The following TIGD3 variants were observed in gnomAD, a reference collection of about 807,000 sequenced individuals.
The protein encoded by TIGD3 is tigger transposable element-derived protein 3.
In TIGD3, 7 loss-of-function variants were observed where a neutral mutation model predicts 14.8. The ratio of observed to expected loss-of-function variants is 0.47; its 90% CI spans 0.27 to 0.89. TIGD3 has a LOEUF of 0.89. Among genes scored for constraint, TIGD3 ranks in the 40% least tolerant of loss-of-function variants. The pLI is 0.13. For missense variants in TIGD3, 581 were observed against 611.0 expected, an observed-to-expected ratio of 0.95 and a Z score of 0.52; for synonymous variants, 243 against 269.4, an observed-to-expected ratio of 0.90 and a Z score of 0.96.
In TIGD3 at chr11:65,356,881, G is replaced by A. The variant is rs1367046945; in HGVS notation, c.1073G>A (p.Ser358Asn). 6.2e-7 allele frequency: 1 copy of A among 1,613,656 alleles called. No homozygotes were observed. The highest frequency in any genetic ancestry group is 1.3e-5 in the African/African-American group (1 of 74,958). The stretch of plus-strand genomic sequence containing the variant: ...AAGGTGCCTCCTCAGCTCATTTTCA[G>A]CAGCTTCATTCAAGAAGGGCTGGCT... ...WAKVPPQLIFSSFIQEGLAPG... is the reference protein window; with the variant it reads ...WAKVPPQLIFNSFIQEGLAPG... Residue 358 changes from serine to asparagine, a missense_variant, in exon 2 of 2, where the codon AGC becomes AAC. Transcript: ENST00000309880. The surrounding 1 kb of genome is among the most constrained non-coding windows in gnomAD (Gnocchi z 5.2).
Position 65,356,612 on chromosome 11 carries a change from A to G in TIGD3, c.804A>G (p.Arg268=), listed in dbSNP as rs1473201898. The G allele has an allele frequency of 6.2e-7, 1 of 1,611,686 alleles. No homozygotes were observed. Among genetic ancestry groups the G allele is most frequent in the Non-Finnish European group, 8.5e-7 (1 of 1,179,952 alleles). The change falls in exon 2 of 2, where the codon CGA becomes CGG. Residue 268 remains arginine (R), a synonymous_variant. Coordinates refer to ENST00000309880, the MANE Select transcript of TIGD3 (RefSeq NM_145719.3). The surrounding 1 kb of genome is among the most constrained non-coding windows in gnomAD (Gnocchi z 5.2). The part of the protein sequence containing the change: ...GRQVALLLAA[R]VVEELAGLPG... Reference sequence around the variant, plus strand: ...AGGTGGCTTTGCTGCTGGCTGCCCGAGTGGTGGAGGAGCTGGCAGGCCTGC... The same window carrying G: ...AGGTGGCTTTGCTGCTGGCTGCCCGGGTGGTGGAGGAGCTGGCAGGCCTGC...
chr11:65,357,024 G>A lies in TIGD3; in HGVS notation c.1216G>A (p.Gly406Arg). The A allele has an allele frequency of 1.2e-6, 2 of 1,614,150 alleles. No individual in the cohort carries two copies. Among genetic ancestry groups the A allele is most frequent in the Non-Finnish European group, 1.7e-6 (2 of 1,180,008 alleles). The change falls in exon 2 of 2, where the codon GGA (glycine) becomes AGA (arginine). Residue 406 changes from glycine (G) to arginine (R), a missense_variant. Transcript: ENST00000309880. The part of the protein sequence containing the change: ...VDLEGEEPRS[G>R]VCKEEIGTED... Reference sequence around the variant, plus strand: ...CCTGGAGGGTGAGGAGCCAAGGTCTGGAGTATGTAAGGAGGAGATAGGCAC... The same window carrying A: ...CCTGGAGGGTGAGGAGCCAAGGTCTAGAGTATGTAAGGAGGAGATAGGCAC...
Position 65,355,855 on chromosome 11 carries a change from A to G in TIGD3, c.47A>G (p.Glu16Gly). ...AAGCTTCACGCCCTGTCCCTGGCCG[A>G]GAAGATCCAGGTGCTGGAACTCCTG... is the stretch of plus-strand genomic sequence containing the variant. ...KKKLHALSLA[E>G]KIQVLELLDE... Residue 16 changes from glutamate (E) to glycine (G), a missense_variant, in exon 2 of 2, where the codon GAG becomes GGG. By Grantham distance (98) the Glu-to-Gly change is moderately conservative. Coordinates refer to ENST00000309880, the MANE Select transcript of TIGD3 (RefSeq NM_145719.3). 6.2e-7 allele frequency: 1 copy of G among 1,613,804 alleles called. No homozygotes were observed. Among genetic ancestry groups the G allele is most frequent in the African/African-American group, 1.3e-5 (1 of 75,042 alleles).
rs1439682070 is a variant in TIGD3, at chr11:65,354,966, G to A, written c.-17+9G>A. The A allele has an allele frequency of 1.3e-5, 2 of 151,960 alleles. No homozygotes were observed. The highest frequency in any genetic ancestry group is 2.4e-5 in the African/African-American group (1 of 41,460). 9.4% of individuals were successfully genotyped at this position (151,960 alleles called of 1,614,324 possible). On this transcript the variant is annotated intron_variant, in intron 1 of 1. Coordinates refer to ENST00000309880, the MANE Select transcript of TIGD3 (RefSeq NM_145719.3). The stretch of plus-strand genomic sequence containing the variant: ...CGGGACCAGCGCCTGAGGTGGGTGC[G>A]GAGCGGGAGGCCGGGCGGGCGGGCG...
chr11:65,356,709 G>A lies in TIGD3; in HGVS notation c.901G>A (p.Val301Ile). 1 of 1,613,336 alleles carries A rather than the reference G, an allele frequency of 6.2e-7. No individual in the cohort carries two copies. The highest frequency in any genetic ancestry group is 1.7e-5 in the Admixed American group (1 of 60,032). ...CACGCCTCCCCTGCCCAGCTCAGTG[G>A]TCCGGGCCTTTAAGGCCCATTACCG... ...STTPPLPSSV[V>I]RAFKAHYRHR... Residue 301 changes from valine to isoleucine, a missense_variant, in exon 2 of 2, where the codon GTC becomes ATC. Physicochemically the swap from Val to Ile is conservative, Grantham distance 29. Transcript: ENST00000309880. The surrounding 1 kb of genome is among the most constrained non-coding windows in gnomAD (Gnocchi z 5.2).
In TIGD3 at chr11:65,356,262, C is replaced by G. The variant is rs147453408; in HGVS notation, c.454C>G (p.Pro152Ala). Residue 152 changes from proline (P) to alanine (A), a missense_variant, in exon 2 of 2, where the codon CCG becomes GCG. By Grantham distance (27) the Pro-to-Ala change is conservative. Transcript: ENST00000309880. This position sits in a 1 kb window ranked among gnomAD's most constrained non-coding sequence, Gnocchi z 5.2. ...APSFPPEPPP[P>A]GLTSQAQLPL... ...TTCATTCCCCCCTGAGCCACCTCCCCCGGGGCTCACATCCCAGGCTCAGCT... is the reference window on the plus strand; with the variant it reads ...TTCATTCCCCCCTGAGCCACCTCCCGCGGGGCTCACATCCCAGGCTCAGCT... 2.6e-4 allele frequency: 423 copies of G among 1,613,052 alleles called. 1 individual carries two copies. The Middle Eastern group carries it at 3.5e-3, about 13-fold the overall frequency.
In TIGD3 at chr11:65,356,734, G is replaced by A. The variant is rs1434878304; in HGVS notation, c.926G>A (p.Arg309Gln). 1 of 1,613,160 alleles carries A rather than the reference G, an allele frequency of 6.2e-7. No individual in the cohort carries two copies. The highest frequency in any genetic ancestry group is 1.1e-5 in the South Asian group (1 of 91,084). ...GTCCGGGCCTTTAAGGCCCATTACCGACACCGGCTGTTGGGCAAACTGGCT... is the reference window on the plus strand; with the variant it reads ...GTCCGGGCCTTTAAGGCCCATTACCAACACCGGCTGTTGGGCAAACTGGCT... ...SVVRAFKAHYRHRLLGKLAAI... is the reference protein window; with the variant it reads ...SVVRAFKAHYQHRLLGKLAAI... Residue 309 changes from arginine (R) to glutamine (Q), a missense_variant, in exon 2 of 2, where the codon CGA (arginine) becomes CAA (glutamine). Transcript: ENST00000309880. This position sits in a 1 kb window ranked among gnomAD's most constrained non-coding sequence, Gnocchi z 5.2.
Position 65,355,911 on chromosome 11 carries a change from G to A in TIGD3, c.103G>A (p.Ala35Thr). Reference sequence around the variant, plus strand: ...GTCCAAGATGTCCCAGTCGGAGGTGGCCCGGCGCTTCCAGGTTTCCCAGCC... The same window carrying A: ...GTCCAAGATGTCCCAGTCGGAGGTGACCCGGCGCTTCCAGGTTTCCCAGCC... ...DESKMSQSEV[A>T]RRFQVSQPQI... is the part of the protein sequence containing the mutation. Residue 35 changes from alanine (A) to threonine (T), a missense_variant, in exon 2 of 2, where the codon GCC (alanine) becomes ACC (threonine). Physicochemically the swap from Ala to Thr is moderately conservative, Grantham distance 58 (BLOSUM62 0). Coordinates refer to ENST00000309880, the MANE Select transcript of TIGD3 (RefSeq NM_145719.3). 3 of 1,613,914 alleles carry A rather than the reference G, an allele frequency of 1.9e-6. No individual in the cohort carries two copies. Among genetic ancestry groups the A allele is most frequent in the Non-Finnish European group, 1.7e-6 (2 of 1,180,032 alleles).
rs1330169201 is a variant in TIGD3 at position 65,356,633 on chromosome 11, C to G, written c.825C>G (p.Gly275=). The G allele has an allele frequency of 6.2e-7, 1 of 1,612,394 alleles. No individual in the cohort carries two copies. Among genetic ancestry groups the G allele is most frequent in the South Asian group, 1.1e-5 (1 of 91,078 alleles). ...LAARVVEELA[G]LPGLYHVKLL... is the part of the protein sequence containing the mutation. ...CCCGAGTGGTGGAGGAGCTGGCAGGCCTGCCTGGGCTCTACCACGTGAAGC... is the reference window on the plus strand; with the variant it reads ...CCCGAGTGGTGGAGGAGCTGGCAGGGCTGCCTGGGCTCTACCACGTGAAGC... Residue 275 remains glycine, a synonymous_variant, in exon 2 of 2, where the codon GGC becomes GGG. Transcript: ENST00000309880. This position sits in a 1 kb window ranked among gnomAD's most constrained non-coding sequence, Gnocchi z 5.2.
Position 65,357,432 on chromosome 11 carries a change from G to A in TIGD3, c.*208G>A. On this transcript the variant is annotated 3_prime_UTR_variant, in exon 2 of 2. Transcript: ENST00000309880. The stretch of plus-strand genomic sequence containing the variant: ...AGAGCTCTAAAGATGGGGCTTCGGG[G>A]GTAGGAATCCAGGATGCTTAGTTTC... 1 of 570,388 alleles carries A rather than the reference G, an allele frequency of 1.8e-6. No homozygotes were observed. The highest frequency in any genetic ancestry group is 3.2e-6 in the Non-Finnish European group (1 of 314,970). 35.3% of individuals were successfully genotyped at this position (570,388 alleles called of 1,614,324 possible).
At position 65,356,400 on chromosome 11, in the gene TIGD3, C is replaced by T; in HGVS notation, c.592C>T (p.Leu198=). The part of the protein sequence containing the change: ...SFGACDQVQV[L]LCANSRGTEK... ...TGGTGCATGTGATCAAGTACAGGTG[C>T]TGCTGTGTGCCAACAGCAGGGGCAC... Residue 198 remains leucine (L), a synonymous_variant, in exon 2 of 2, where the codon CTG becomes TTG. Transcript: ENST00000309880. This position sits in a 1 kb window ranked among gnomAD's most constrained non-coding sequence, Gnocchi z 5.2. The T allele has an allele frequency of 6.2e-7, 1 of 1,610,684 alleles. No individual in the cohort carries two copies. The highest frequency in any genetic ancestry group is 8.5e-7 in the Non-Finnish European group (1 of 1,180,024).
chr11:65,356,397 G>C lies in TIGD3; in HGVS notation c.589G>C (p.Val197Leu). 3 of 1,610,670 alleles carry C rather than the reference G, an allele frequency of 1.9e-6. 1 individual carries two copies. Among genetic ancestry groups the C allele is most frequent in the Non-Finnish European group, 2.5e-6 (3 of 1,180,020 alleles). The change falls in exon 2 of 2, where the codon GTG becomes CTG. Residue 197 changes from valine (V) to leucine (L), a missense_variant. By Grantham distance (32) the Val-to-Leu change is conservative. Transcript: ENST00000309880. This position sits in a 1 kb window ranked among gnomAD's most constrained non-coding sequence, Gnocchi z 5.2. ...CTTTGGTGCATGTGATCAAGTACAG[G>C]TGCTGCTGTGTGCCAACAGCAGGGG... The part of the protein sequence containing the change: ...GSFGACDQVQ[V>L]LLCANSRGTE...
rs1364125047 is a variant in TIGD3, at chr11:65,356,334, G to C, written c.526G>C (p.Ala176Pro). The part of the protein sequence containing the change: ...DFSPEDVFGC[A>P]ELPLLYRAVP... ...CTCTCCAGAGGACGTGTTTGGCTGTGCTGAATTGCCCTTGCTGTATCGGGC... is the reference window on the plus strand; with the variant it reads ...CTCTCCAGAGGACGTGTTTGGCTGTCCTGAATTGCCCTTGCTGTATCGGGC... Residue 176 changes from alanine to proline, a missense_variant, in exon 2 of 2, where the codon GCT (alanine) becomes CCT (proline). By Grantham distance (27) the Ala-to-Pro change is conservative. Transcript: ENST00000309880. The surrounding 1 kb of genome is among the most constrained non-coding windows in gnomAD (Gnocchi z 5.2). 2.5e-6 allele frequency: 4 copies of C among 1,612,286 alleles called. No individual in the cohort carries two copies. The highest frequency in any genetic ancestry group is 3.4e-6 in the Non-Finnish European group (4 of 1,180,032).
chr11:65,355,395 G>A (rs891179270), intron 1 of TIGD3, among the ~76,000 whole-genome samples: 2 of 63,812 alleles, frequency 3.1e-5, no homozygotes, highest in Non-Finnish European at 5.9e-5. Context: ...AGCCCAAGCC[G>A]CCTCCCACTC....
chr11:65,356,533 C>T lies in TIGD3; in HGVS notation c.725C>T (p.Pro242Leu), dbSNP rs1170977653. 3 of 1,607,022 alleles carry T rather than the reference C, an allele frequency of 1.9e-6. No homozygotes were observed. The highest frequency in any genetic ancestry group is 2.2e-5 in the South Asian group (2 of 91,086). Residue 242 changes from proline (P) to leucine (L), a missense_variant, in exon 2 of 2, where the codon CCC becomes CTC. Pro to Leu is a moderately conservative substitution (Grantham distance 98). Transcript: ENST00000309880. This position sits in a 1 kb window ranked among gnomAD's most constrained non-coding sequence, Gnocchi z 5.2. ...TCCTACCACCCGGACCTGGGCATCC[C>T]CTGGTTAGAGTGGTTGGCACAGTTT... Reference protein sequence around the residue: ...PASYHPDLGIPWLEWLAQFDR... With the variant: ...PASYHPDLGILWLEWLAQFDR...
chr11:65,357,087 C>CCCCT lies in TIGD3; in HGVS notation c.1280_1283dup (p.Thr430AlafsTer5). The CCCCT allele has an allele frequency of 6.2e-7, 1 of 1,613,608 alleles. No individual in the cohort carries two copies. The highest frequency in any genetic ancestry group is 8.5e-7 in the Non-Finnish European group (1 of 1,179,714). Reference sequence around the variant, plus strand: ...GGGGGACAGAGAGGGTGCCTTTGAGCCCCTGCCCACCAAAGCTGATGCCCT... The same window carrying CCCCT: ...GGGGGACAGAGAGGGTGCCTTTGAGCCCCTCCCTGCCCACCAAAGCTGATGCCCT... On this transcript the variant is annotated frameshift_variant, in exon 2 of 2. Transcript: ENST00000309880. LOFTEE classifies it high-confidence loss of function.
chr11:65,355,938 C>G lies in TIGD3; in HGVS notation c.130C>G (p.Gln44Glu). The change falls in exon 2 of 2, where the codon CAG becomes GAG. Residue 44 changes from glutamine (Q) to glutamate (E), a missense_variant. Gln to Glu is a conservative substitution (Grantham distance 29). Transcript: ENST00000309880. The part of the protein sequence containing the change: ...VARRFQVSQP[Q>E]ISRICKNKEK... ...CCGGCGCTTCCAGGTTTCCCAGCCC[C>G]AGATCTCGCGCATCTGCAAGAATAA... 1.9e-6 allele frequency: 3 copies of G among 1,613,966 alleles called. No individual in the cohort carries two copies. The highest frequency in any genetic ancestry group is 2.5e-6 in the Non-Finnish European group (3 of 1,180,046).
Position 65,356,348 on chromosome 11 carries a change from G to T in TIGD3, c.540G>T (p.Leu180Phe). The stretch of plus-strand genomic sequence containing the variant: ...TGTTTGGCTGTGCTGAATTGCCCTT[G>T]CTGTATCGGGCAGTGCCCGGCAGCT... Reference protein sequence around the residue: ...EDVFGCAELPLLYRAVPGSFG... With the variant: ...EDVFGCAELPFLYRAVPGSFG... Residue 180 changes from leucine (L) to phenylalanine (F), a missense_variant, in exon 2 of 2, where the codon TTG becomes TTT. Coordinates refer to ENST00000309880, the MANE Select transcript of TIGD3 (RefSeq NM_145719.3). The surrounding 1 kb of genome is among the most constrained non-coding windows in gnomAD (Gnocchi z 5.2). The T allele has an allele frequency of 6.2e-7, 1 of 1,611,960 alleles. No individual in the cohort carries two copies. The highest frequency in any genetic ancestry group is 8.5e-7 in the Non-Finnish European group (1 of 1,180,024).
At position 65,357,505 on chromosome 11, in the gene TIGD3, G is replaced by T. The variant is rs1178556787; in HGVS notation, c.*281G>T. The T allele has an allele frequency of 2.8e-6, 1 of 361,174 alleles. No individual in the cohort carries two copies. The highest frequency in any genetic ancestry group is 2.1e-5 in the African/African-American group (1 of 46,556). The allele number at this position is 361,174 out of a possible 1,614,324, so 22.4% of individuals were successfully genotyped here. On this transcript the variant is annotated 3_prime_UTR_variant, in exon 2 of 2. Transcript: ENST00000309880. The stretch of plus-strand genomic sequence containing the variant: ...GAGCCTTTGAAAGGGAGTTAGTCTA[G>T]AGGCAGCCACTTAGAAAGGTGGAAT...
Sources: allele counts gnomAD v4.1 joint callset (sites outside exome capture counted in the v4.1 genomes callset), GRCh38; gene constraint gnomAD v4.1.1; non-coding constraint Gnocchi (gnomAD v3.1); transcripts MANE v1.5; gene names NCBI Gene and HGNC (gene_info 2026-07-23, HGNC 2026-07-21).